The following NDC1 variants were observed in gnomAD, a reference collection of about 807,000 sequenced individuals.
NDC1 encodes NDC1 transmembrane nucleoporin.
In NDC1, 24 loss-of-function variants were observed where a neutral mutation model predicts 89.8. The ratio of observed to expected loss-of-function variants is 0.27; its 90% confidence interval spans 0.19 to 0.38. NDC1 has a LOEUF of 0.38. NDC1 is among the 10% of genes least tolerant of loss of function. NDC1 has a pLI of 1.00. For synonymous variants in NDC1, 296 were observed against 284.8 expected, an observed-to-expected ratio of 1.04 and a Z score of -0.39; for missense variants, 728 against 797.6, an observed-to-expected ratio of 0.91 and a Z score of 1.05.
chr1:53,809,030 A>G (rs982739421), intron 7 of NDC1, among the ~76,000 whole-genome samples: 5 of 152,232 alleles, frequency 3.3e-5, no homozygotes, highest in African/African-American at 1.2e-4. Flanking sequence ...AGTGCATAGA[A>G]GATTACTACA....
intron 5 of NDC1, among the ~76,000 whole-genome samples, chr1:53,823,086 ACT>A (rs1648729886): frequency 6.6e-6 from 1 of 152,144 alleles, no homozygotes; most frequent in East Asian, 1.9e-4. Context: ...CAGGCAAGAC[ACT>A]TACAAACCTG....
At chr1:53,808,646 T>C (rs1439116045) in intron 7 of NDC1, among the ~76,000 whole-genome samples, 1 of 152,162 alleles carries the variant, frequency 6.6e-6, no homozygotes, top group Admixed American at 6.5e-5. Flanking sequence ...CACTCAGCCA[T>C]ATACACAAAA....
At chr1:53,819,668 C>CA (rs2100680237) in intron 5 of NDC1, among the ~76,000 whole-genome samples, 1 of 152,130 alleles carries the variant, frequency 6.6e-6, no homozygotes, top group East Asian at 1.9e-4. Context: ...ATGCTCTTTG[C>CA]AAAAAAATGG....
intron 11 of NDC1, 52 bp from the exon 12 acceptor site, chr1:53,797,196 A>G: frequency 6.3e-7 from 1 of 1,578,652 alleles, no homozygotes. Context: ...CAAGCAGGCT[A>G]GCAGCAACGC....
chr1:53,815,396 C>G (rs191526116), intron 6 of NDC1, among the ~76,000 whole-genome samples: 53 of 152,296 alleles, frequency 3.5e-4, no homozygotes, highest in Admixed American at 3.1e-3. Context: ...TCAACAAAAT[C>G]CAGCATTCCT....
At chr1:53,803,863 G>A (rs966277359) in intron 10 of NDC1, 65 bp downstream of exon 10, 22 of 1,258,090 alleles carry the variant, frequency 1.7e-5, no homozygotes, top group Non-Finnish European at 2.3e-5. Context: ...GAGCCACCAT[G>A]CCTGGCCAAG....
intron 6 of NDC1, among the ~76,000 whole-genome samples, chr1:53,812,229 G>A (rs1032713686): frequency 2.6e-5 from 4 of 152,120 alleles, no homozygotes; most frequent in African/African-American, 9.7e-5. Flanking sequence ...AATCACACTA[G>A]TTCACCAGTA....
intron 5 of NDC1, among the ~76,000 whole-genome samples, chr1:53,820,318 G>A (rs902384439): frequency 1.3e-5 from 2 of 151,672 alleles, no homozygotes; most frequent in Non-Finnish European, 2.9e-5. Context: ...TTTAAAGAAA[G>A]TTTATGAATT....
chr1:53,795,351 T>A (rs1377287345), intron 13 of NDC1, among the ~76,000 whole-genome samples: 1 of 152,016 alleles, frequency 6.6e-6, no homozygotes, highest in Non-Finnish European at 1.5e-5. Context: ...CAAAGTTACA[T>A]TTCTAGCCCA....
intron 15 of NDC1, among the ~76,000 whole-genome samples, chr1:53,787,985 C>T (rs1647361452): frequency 6.6e-6 from 1 of 151,760 alleles, no homozygotes; most frequent in Non-Finnish European, 1.5e-5. Flanking sequence ...AAAGAAACAG[C>T]TCTTTAACAA....
chr1:53,810,424 CAA>C (rs112086501), intron 6 of NDC1, among the ~76,000 whole-genome samples: 4 of 107,840 alleles, frequency 3.7e-5, no homozygotes, highest in Non-Finnish European at 8.0e-5. Context: ...AAGAAACTGG[CAA>C]AAAAAAAAAA....
chr1:53,785,538 T>C (rs770534297), intron 16 of NDC1, among the ~76,000 whole-genome samples: 7 of 152,184 alleles, frequency 4.6e-5, no homozygotes, highest in Non-Finnish European at 2.9e-5. Context: ...GAATTGAGTG[T>C]TAAAGAAAGA....
chr1:53,815,009 C>A (rs527807140), intron 6 of NDC1, among the ~76,000 whole-genome samples: 6 of 152,272 alleles, frequency 3.9e-5, no homozygotes, highest in Non-Finnish European at 7.4e-5. Flanking sequence ...GGATTCACAG[C>A]AGAATTCTAC....
At position 53,834,059 on chromosome 1, in the gene NDC1, A is replaced by G. The variant is rs187113486; in HGVS notation, c.178+1441T>C. Among the ~76,000 whole-genome samples, 536 of 152,318 alleles carry G rather than the reference A, an allele frequency of 3.5e-3. 4 individuals carry two copies. Among genetic ancestry groups the G allele is most frequent in the African/African-American group, 0.012 (519 of 41,572 alleles). ...CAGCCTCCCAAAGTGCTGGGATTACAGGGGTGAGCCACCACACTCGGCCCA... is the reference window on the plus strand; with the variant it reads ...CAGCCTCCCAAAGTGCTGGGATTACGGGGGTGAGCCACCACACTCGGCCCA... On this transcript the variant is annotated intron_variant, in intron 2 of 17. Coordinates refer to ENST00000371429, the MANE Select transcript of NDC1 (RefSeq NM_018087.5).
chr1:53,799,200 C>T (rs1005102594), intron 11 of NDC1, among the ~76,000 whole-genome samples: 2 of 152,170 alleles, frequency 1.3e-5, no homozygotes, highest in African/African-American at 2.4e-5. Context: ...CTTATCCAGT[C>T]GGACTCCTTT....
intron 10 of NDC1, among the ~76,000 whole-genome samples, chr1:53,801,948 G>A (rs1330197034): frequency 6.6e-6 from 1 of 151,962 alleles, no homozygotes; most frequent in Non-Finnish European, 1.5e-5. Context: ...GTAGAGACAG[G>A]GTTTCACCAT....
chr1:53,821,225 G>C (rs887710075), intron 5 of NDC1, among the ~76,000 whole-genome samples: 5 of 152,008 alleles, frequency 3.3e-5, no homozygotes, highest in African/African-American at 1.2e-4. Flanking sequence ...CTTGAGGCCA[G>C]GAGTTCAAGA....
chr1:53,783,943 T>G (rs1647246125), intron 16 of NDC1, among the ~76,000 whole-genome samples: 1 of 152,194 alleles, frequency 6.6e-6, no homozygotes, highest in South Asian at 2.1e-4. Flanking sequence ...GACAAATCTG[T>G]AATTCCTATT....
chr1:53,785,116 C>A (rs1647273331), intron 16 of NDC1, among the ~76,000 whole-genome samples: 2 of 152,120 alleles, frequency 1.3e-5, no homozygotes, highest in African/African-American at 4.8e-5. Context: ...TACTAAGCCT[C>A]CCTCATCTAT....
Sources: gnomAD v4.1 joint callset for allele counts (sites outside exome capture counted in the v4.1 genomes callset) on GRCh38, gnomAD v4.1.1 for gene constraint, MANE v1.5 for transcripts, NCBI Gene and HGNC (gene_info 2026-07-23, HGNC 2026-07-21) for gene names.